SCHIP1: variants seen among roughly 807,000 people sequenced by gnomAD.
The protein encoded by SCHIP1 is schwannomin-interacting protein 1.
A neutral mutation model predicts 29.7 loss-of-function variants in SCHIP1; 8 were observed. The ratio of observed to expected loss-of-function variants is 0.27; its 90% CI spans 0.16 to 0.49. The LOEUF is 0.49. SCHIP1 is among the 20% of genes least tolerant of loss of function. The pLI, the probability that SCHIP1 is intolerant of heterozygous loss-of-function variation, is 0.99. For missense variants in SCHIP1, 193 were observed against 294.6 expected, an observed-to-expected ratio of 0.66 and a Z score of 2.52; for synonymous variants, 76 against 94.9, an observed-to-expected ratio of 0.80 and a Z score of 1.16.
At chr3:159,601,441 G>A in the SCHIP1 span, among the ~76,000 whole-genome samples, 2 of 152,198 alleles carry the variant, frequency 1.3e-5, no homozygotes, top group African/African-American at 4.8e-5. Flanking sequence ...CTGCCAGTTA[G>A]GTTGTAGTTG....
chr3:159,502,398 A>G, the SCHIP1 span, among the ~76,000 whole-genome samples: 2 of 152,192 alleles, frequency 1.3e-5, no homozygotes, highest in South Asian at 2.1e-4. Context: ...AGAGAAGGAC[A>G]ACCTTTTATT....
At chr3:159,818,687 A>C in the SCHIP1 span, among the ~76,000 whole-genome samples, 1 of 152,264 alleles carries the variant, frequency 6.6e-6, no homozygotes, top group East Asian at 1.9e-4. Flanking sequence ...TTCATACTGC[A>C]AGCAGCACTT....
chr3:159,459,131 T>G, the SCHIP1 span, among the ~76,000 whole-genome samples: 3 of 152,218 alleles, frequency 2.0e-5, no homozygotes, highest in Middle Eastern at 6.8e-3. Context: ...GAGGGCACAT[T>G]TACTCTCTCT....
the SCHIP1 span, among the ~76,000 whole-genome samples, chr3:159,572,331 C>T: frequency 6.8e-6 from 1 of 147,480 alleles, no homozygotes; most frequent in Non-Finnish European, 1.5e-5. Flanking sequence ...TCTTTGTTCT[C>T]ATTGGTTTCA....
chr3:159,321,167 G>T, the SCHIP1 span, among the ~76,000 whole-genome samples: 1 of 152,114 alleles, frequency 6.6e-6, no homozygotes, highest in Admixed American at 6.5e-5. Context: ...GTTTCACCAC[G>T]TCGGCCCGGC....
the SCHIP1 span, among the ~76,000 whole-genome samples, chr3:159,593,948 G>A: frequency 6.6e-6 from 1 of 152,174 alleles, no homozygotes; most frequent in Non-Finnish European, 1.5e-5. Flanking sequence ...TTGCCTCTGT[G>A]ATCACCTCTG....
chr3:159,866,343 T>C (rs1315918598), intron 2 of SCHIP1, 62 bp downstream of exon 3: 5 of 1,462,412 alleles, frequency 3.4e-6, no homozygotes, highest in Non-Finnish European at 4.6e-6. Flanking sequence ...ACTTGACTAT[T>C]CTAATAAAAA....
chr3:159,894,709 T>A (rs4680529), intron 6 of SCHIP1: 17,377 of 116,554 alleles, frequency 0.15, 1,185 homozygotes, highest in African/African-American at 0.22. Context: ...GCAATTGTTG[T>A]TTTAAAAAAA....
At chr3:159,619,106 T>TA in the SCHIP1 span, among the ~76,000 whole-genome samples, 2 of 152,082 alleles carry the variant, frequency 1.3e-5, no homozygotes, top group Non-Finnish European at 2.9e-5. Context: ...GCCCTTCAAT[T>TA]AAAAAAGAAG....
the SCHIP1 span, among the ~76,000 whole-genome samples, chr3:159,279,933 T>C: frequency 6.6e-6 from 1 of 152,140 alleles, no homozygotes; most frequent in African/African-American, 2.4e-5. Context: ...CCCCTCACTT[T>C]TCTGAGACAC....
chr3:159,285,466 T>C, the SCHIP1 span, among the ~76,000 whole-genome samples: 2 of 152,172 alleles, frequency 1.3e-5, no homozygotes, highest in Admixed American at 1.3e-4. Context: ...AATTTTGTTT[T>C]AAACATAAAC....
the SCHIP1 span, among the ~76,000 whole-genome samples, chr3:159,302,375 A>C: frequency 2.0e-5 from 3 of 152,236 alleles, no homozygotes; most frequent in East Asian, 5.8e-4. Flanking sequence ...GAAACTCGGA[A>C]AGTAAATATA....
chr3:159,803,075 C>T, the SCHIP1 span, among the ~76,000 whole-genome samples: 2 of 152,128 alleles, frequency 1.3e-5, no homozygotes, highest in South Asian at 2.1e-4. Flanking sequence ...TTCAGTTAGC[C>T]GGAATTTAGT....
At chr3:159,388,954 A>G in the SCHIP1 span, among the ~76,000 whole-genome samples, 9 of 152,238 alleles carry the variant, frequency 5.9e-5, no homozygotes, top group African/African-American at 1.9e-4. Context: ...AAGCATTAGA[A>G]AATATTTTAC....
At chr3:159,887,946 C>G in intron 4 of SCHIP1, 41 bp downstream of exon 5, 1 of 1,608,440 alleles carries the variant, frequency 6.2e-7, no homozygotes, top group Non-Finnish European at 8.5e-7. Flanking sequence ...TGTTTGGGAG[C>G]CAGAAATGGT....
At chr3:159,371,579 T>C in the SCHIP1 span, among the ~76,000 whole-genome samples, 1,273 of 152,310 alleles carry the variant, frequency 8.4e-3, 8 homozygotes, top group African/African-American at 0.029. Flanking sequence ...TGGAAGTGCT[T>C]TGCAAATTAA....
the SCHIP1 span, among the ~76,000 whole-genome samples, chr3:159,528,221 C>A: frequency 6.6e-6 from 1 of 152,084 alleles, no homozygotes; most frequent in African/African-American, 2.4e-5. Context: ...GAGCTTAGAA[C>A]AAAACATAAA....
the SCHIP1 span, among the ~76,000 whole-genome samples, chr3:159,399,715 C>T: frequency 2.0e-5 from 3 of 152,228 alleles, no homozygotes; most frequent in South Asian, 6.2e-4. Context: ...CTTGCTCTGT[C>T]ACCCAGGCTG....
At chr3:159,582,533 C>G in the SCHIP1 span, among the ~76,000 whole-genome samples, 1 of 151,960 alleles carries the variant, frequency 6.6e-6, no homozygotes, top group Non-Finnish European at 1.5e-5. Flanking sequence ...TTACTTTTGC[C>G]AGGCAGCCTG....
Sources: gnomAD v4.1 joint callset for allele counts (sites outside exome capture counted in the v4.1 genomes callset) on GRCh38, gnomAD v4.1.1 for gene constraint, MANE v1.5 for transcripts, NCBI Gene and HGNC (gene_info 2026-07-23, HGNC 2026-07-21) for gene names.